Variants in KHDRBS2 observed in about 807,000 individuals in gnomAD.
KHDRBS2 encodes the protein KH domain-containing, RNA-binding, signal transduction-associated protein 2.
KHDRBS2 carries 26 observed loss-of-function variants against 44.3 expected under a neutral mutation model. The ratio of observed to expected loss-of-function variants is 0.59; its 90% CI spans 0.43 to 0.81. KHDRBS2 has a LOEUF of 0.81. Among genes scored for constraint, KHDRBS2 ranks in the 40% least tolerant of loss-of-function variants. KHDRBS2 has a pLI of 0.00. For missense variants in KHDRBS2, 476 were observed against 433.1 expected, an observed-to-expected ratio of 1.10 and a Z score of -0.88; for synonymous variants, 194 against 151.1, an observed-to-expected ratio of 1.28 and a Z score of -2.08.
chr6:61,848,302 C>A (rs1794705831), intron 6 of KHDRBS2, among the ~76,000 whole-genome samples: 1 of 149,844 alleles, frequency 6.7e-6, no homozygotes, highest in East Asian at 2.0e-4. Context: ...TATTTCATTC[C>A]ACATTCAAAA....
chr6:61,548,605 A>G, the KHDRBS2 span, among the ~76,000 whole-genome samples: 1 of 152,278 alleles, frequency 6.6e-6, no homozygotes, highest in East Asian at 1.9e-4. Context: ...CATAATATGA[A>G]CCTGCACTTC....
intron 6 of KHDRBS2, among the ~76,000 whole-genome samples, chr6:61,771,060 C>G (rs1461922727): frequency 1.3e-5 from 2 of 152,122 alleles, no homozygotes; most frequent in African/African-American, 4.8e-5. Flanking sequence ...GAATTTTCAA[C>G]CCAGATTTTC....
At chr6:61,574,642 A>C in the KHDRBS2 span, among the ~76,000 whole-genome samples, 2 of 152,204 alleles carry the variant, frequency 1.3e-5, no homozygotes, top group Non-Finnish European at 2.9e-5. Context: ...GTGGTAGCTC[A>C]TGCCTGTAAT....
At chr6:61,728,037 T>A (rs745399203) in intron 7 of KHDRBS2, among the ~76,000 whole-genome samples, 3 of 151,936 alleles carry the variant, frequency 2.0e-5, no homozygotes, top group African/African-American at 4.8e-5. Flanking sequence ...CCATGTTGGG[T>A]TGATTACCCA....
chr6:62,052,405 A>T (rs549120879), intron 2 of KHDRBS2, among the ~76,000 whole-genome samples: 1 of 152,036 alleles, frequency 6.6e-6, no homozygotes, highest in Non-Finnish European at 1.5e-5. Flanking sequence ...TCTCATTTAT[A>T]TATGGAATCT....
intron 4 of KHDRBS2, among the ~76,000 whole-genome samples, chr6:61,953,025 T>C (rs1765096909): frequency 6.6e-6 from 1 of 152,012 alleles, no homozygotes; most frequent in African/African-American, 2.4e-5. Flanking sequence ...ATATATTAAT[T>C]ATACTTACTC....
chr6:61,902,734 G>A (rs1030929577), intron 4 of KHDRBS2, among the ~76,000 whole-genome samples: 9 of 152,264 alleles, frequency 5.9e-5, no homozygotes, highest in South Asian at 2.1e-4. Flanking sequence ...GCCTAGCAGT[G>A]AGACTAAAAA....
At chr6:62,092,338 A>G (rs1168867298) in intron 2 of KHDRBS2, among the ~76,000 whole-genome samples, 2 of 152,156 alleles carry the variant, frequency 1.3e-5, no homozygotes, top group Non-Finnish European at 2.9e-5. Context: ...AAAATACATA[A>G]TATCTTTATT....
chr6:61,760,418 A>T (rs1582657173), intron 6 of KHDRBS2, among the ~76,000 whole-genome samples: 1 of 152,158 alleles, frequency 6.6e-6, no homozygotes, highest in Admixed American at 6.5e-5. Context: ...GGATCGCTTG[A>T]GCACAGGAGT....
At chr6:62,250,700 T>C (rs1415325357) in intron 1 of KHDRBS2, among the ~76,000 whole-genome samples, 2 of 151,970 alleles carry the variant, frequency 1.3e-5, no homozygotes, top group African/African-American at 4.8e-5. Flanking sequence ...CAATGGATGC[T>C]AAATCTAGGA....
At chr6:61,729,814 T>C (rs1774157781) in intron 7 of KHDRBS2, among the ~76,000 whole-genome samples, 1 of 152,196 alleles carries the variant, frequency 6.6e-6, no homozygotes, top group East Asian at 1.9e-4. Flanking sequence ...TCTAAAGTTT[T>C]AGCAGTTTTT....
At chr6:62,284,711 T>C (rs1008081484) in intron 1 of KHDRBS2, among the ~76,000 whole-genome samples, 4 of 152,126 alleles carry the variant, frequency 2.6e-5, no homozygotes, top group Admixed American at 1.3e-4. Flanking sequence ...TATTTAAACA[T>C]AGAAAAATAC....
At chr6:61,860,529 G>A (rs1583209490) in intron 6 of KHDRBS2, among the ~76,000 whole-genome samples, 1 of 152,060 alleles carries the variant, frequency 6.6e-6, no homozygotes, top group South Asian at 2.1e-4. Context: ...GCTGCATCAT[G>A]TCCCTGCAAA....
intron 1 of KHDRBS2, among the ~76,000 whole-genome samples, chr6:62,209,272 T>A (rs1424175986): frequency 2.0e-5 from 3 of 152,100 alleles, no homozygotes; most frequent in African/African-American, 7.2e-5. Flanking sequence ...CCCCTACCAC[T>A]CCTCTTTTGG....
chr6:61,681,169 C>A, intron 8 of KHDRBS2, 109 bp from the exon 9 acceptor site: 1 of 724,022 alleles, frequency 1.4e-6, no homozygotes, highest in Non-Finnish European at 2.4e-6. Flanking sequence ...GATCTCAACA[C>A]CGAACGCTAA....
At chr6:61,954,492 T>A (rs1368383511) in intron 4 of KHDRBS2, among the ~76,000 whole-genome samples, 1 of 133,880 alleles carries the variant, frequency 7.5e-6, no homozygotes, top group Non-Finnish European at 1.6e-5. Context: ...CATGCGTATG[T>A]ATGTATGCAT....
the KHDRBS2 span, among the ~76,000 whole-genome samples, chr6:61,566,223 C>T: frequency 1.3e-4 from 20 of 151,982 alleles, no homozygotes; most frequent in Middle Eastern, 3.2e-3. Flanking sequence ...TGATGGTTAC[C>T]AGAGGCTGAG....
chr6:61,970,342 G>A (rs781708184), intron 4 of KHDRBS2, among the ~76,000 whole-genome samples: 12 of 151,700 alleles, frequency 7.9e-5, no homozygotes, highest in Non-Finnish European at 1.8e-4. Flanking sequence ...TCTTTCAAAT[G>A]CATTTAAAAA....
chr6:61,633,530 A>G, the KHDRBS2 span, among the ~76,000 whole-genome samples: 779 of 152,170 alleles, frequency 5.1e-3, 2 homozygotes, highest in Non-Finnish European at 8.9e-3. Flanking sequence ...TGGCTTAGGT[A>G]TTCTCCTAAG....
Sources: gnomAD v4.1 joint callset for allele counts (sites outside exome capture counted in the v4.1 genomes callset) on GRCh38, gnomAD v4.1.1 for gene constraint, MANE v1.5 for transcripts, NCBI Gene and HGNC (gene_info 2026-07-23, HGNC 2026-07-21) for gene names.